EGLN3: variants seen among roughly 807,000 people sequenced by gnomAD.
EGLN3 encodes egl-9 family hypoxia inducible factor 3.
Under a neutral mutation model 26.0 loss-of-function variants are expected in EGLN3, and 15 were observed. The ratio of observed to expected loss-of-function variants is 0.58; its 90% confidence interval spans 0.39 to 0.89. The LOEUF is 0.89. Ranked by LOEUF, EGLN3 falls within the 40% of genes least tolerant of loss-of-function variation. EGLN3 has a pLI of 0.00. For synonymous variants in EGLN3, 147 were observed against 127.2 expected (o/e 1.16, Z -1.05); for missense variants, 238 against 311.6 (o/e 0.76, Z 1.78).
At chr14:33,936,480 T>C (rs1289035090) in intron 1 of EGLN3, among the ~76,000 whole-genome samples, 2 of 152,204 alleles carry the variant, frequency 1.3e-5, no homozygotes, top group Non-Finnish European at 1.5e-5. Flanking sequence ...AGGTGGTTTA[T>C]GTTCAGCACA....
intron 2 of EGLN3, among the ~76,000 whole-genome samples, chr14:33,930,037 G>A (rs1040311696): frequency 3.9e-5 from 6 of 152,078 alleles, no homozygotes; most frequent in African/African-American, 1.4e-4. Flanking sequence ...TCTCTTCCTT[G>A]AATTATTTTT....
intron 2 of EGLN3, among the ~76,000 whole-genome samples, chr14:33,930,261 T>A (rs944782597): frequency 6.6e-6 from 1 of 152,224 alleles, no homozygotes; most frequent in Non-Finnish European, 1.5e-5. Context: ...TAAAGGAGAC[T>A]TAATGGATGT....
At chr14:33,947,725 T>A (rs1019688923) in intron 1 of EGLN3, among the ~76,000 whole-genome samples, 3 of 152,334 alleles carry the variant, frequency 2.0e-5, no homozygotes, top group East Asian at 3.9e-4. Context: ...TATGTTTATG[T>A]ATGTTTGAAA....
intron 1 of EGLN3, among the ~76,000 whole-genome samples, chr14:33,934,109 A>G (rs1429493473): frequency 6.6e-6 from 1 of 152,188 alleles, no homozygotes; most frequent in African/African-American, 2.4e-5. Context: ...TCTTGGATAT[A>G]CTGATAAATC....
chr14:33,945,017 C>G (rs1470001513), intron 1 of EGLN3, among the ~76,000 whole-genome samples: 1 of 152,166 alleles, frequency 6.6e-6, no homozygotes, highest in Admixed American at 6.5e-5. Flanking sequence ...GAAAACTTGC[C>G]CATTGGAGAG....
chr14:33,941,272 G>T (rs535134935), intron 1 of EGLN3, among the ~76,000 whole-genome samples: 17 of 152,186 alleles, frequency 1.1e-4, no homozygotes, highest in African/African-American at 3.1e-4. Flanking sequence ...ACTTGCCAGG[G>T]GCTGAGCTAG....
At chr14:33,949,174 G>A (rs1417763233) in intron 1 of EGLN3, 1 of 151,982 alleles carries the variant, frequency 6.6e-6, no homozygotes, top group African/African-American at 2.4e-5. Flanking sequence ...GAAGTTGTAC[G>A]GCAAACTGTG....
At chr14:33,928,765 A>T (rs1444028540) in intron 3 of EGLN3, among the ~76,000 whole-genome samples, 2 of 152,118 alleles carry the variant, frequency 1.3e-5, no homozygotes, top group South Asian at 2.1e-4. Context: ...TAGGTTTTTT[A>T]AAAAAAGGGA....
intron 1 of EGLN3, among the ~76,000 whole-genome samples, chr14:33,944,171 G>C (rs1387071949): frequency 6.6e-6 from 1 of 151,946 alleles, no homozygotes. Flanking sequence ...GCCCAGGCTG[G>C]AGTGCAATGG....
At chr14:33,947,771 G>A (rs1187544940) in intron 1 of EGLN3, among the ~76,000 whole-genome samples, 2 of 152,164 alleles carry the variant, frequency 1.3e-5, no homozygotes, top group South Asian at 2.1e-4. Context: ...AAATTTAAGG[G>A]CCGGGCACAG....
At chr14:33,936,067 C>A (rs1352880261) in intron 1 of EGLN3, among the ~76,000 whole-genome samples, 2 of 151,960 alleles carry the variant, frequency 1.3e-5, no homozygotes, top group East Asian at 1.9e-4. Flanking sequence ...CCTGTCTCTA[C>A]TAAAAATACA....
intron 1 of EGLN3, among the ~76,000 whole-genome samples, chr14:33,945,156 T>C (rs2064508940): frequency 1.3e-5 from 2 of 152,220 alleles, no homozygotes; most frequent in Admixed American, 6.5e-5. Context: ...TACAGAAAGA[T>C]GATCCAGAGC....
intron 1 of EGLN3, among the ~76,000 whole-genome samples, chr14:33,933,959 C>T (rs779823525): frequency 1.3e-5 from 2 of 152,202 alleles, no homozygotes; most frequent in Non-Finnish European, 2.9e-5. Flanking sequence ...TAAACTGACA[C>T]ATATCAAGAG....
At chr14:33,950,287 G>T in intron 1 of EGLN3, 109 bp downstream of exon 1, 2 of 1,081,400 alleles carry the variant, frequency 1.8e-6, no homozygotes, top group Non-Finnish European at 2.8e-6. Flanking sequence ...TGACTTCTTG[G>T]TTAAAAAACA....
chr14:33,939,242 G>A (rs913289775), intron 1 of EGLN3, among the ~76,000 whole-genome samples: 3 of 149,708 alleles, frequency 2.0e-5, no homozygotes, highest in African/African-American at 7.4e-5. Context: ...ACGGAGTCTC[G>A]CTCTGTCACC....
At chr14:33,945,076 A>T (rs936556089) in intron 1 of EGLN3, among the ~76,000 whole-genome samples, 1 of 152,206 alleles carries the variant, frequency 6.6e-6, no homozygotes, top group African/African-American at 2.4e-5. Flanking sequence ...ATTACTGTGG[A>T]GTAATTTCCT....
intron 1 of EGLN3, among the ~76,000 whole-genome samples, chr14:33,940,879 T>G (rs1362584992): frequency 6.6e-6 from 1 of 152,192 alleles, no homozygotes; most frequent in Non-Finnish European, 1.5e-5. Flanking sequence ...ATTGTAACTT[T>G]CTAGCATTGC....
chr14:33,941,329 C>A (rs895970599), intron 1 of EGLN3, among the ~76,000 whole-genome samples: 3 of 152,002 alleles, frequency 2.0e-5, no homozygotes, highest in Non-Finnish European at 4.4e-5. Context: ...CGTCTCTGAG[C>A]CAGACCTGTA....
chr14:33,924,306 T>C lies in EGLN3; in HGVS notation c.*1585A>G, dbSNP rs569276714. On this transcript the variant is annotated 3_prime_UTR_variant, in exon 5 of 5. Coordinates refer to ENST00000250457, the MANE Select transcript of EGLN3 (RefSeq NM_022073.4). ...GGCACTATTTTAGGTGCTGAGAGTA[T>C]GTTGCATTGGTTAAAAATATACAAA... 6.6e-6 allele frequency: 1 copy of C among 152,218 alleles called. No homozygotes were observed. The highest frequency in any genetic ancestry group is 2.4e-5 in the African/African-American group (1 of 41,452). The allele number at this position is 152,218 out of a possible 1,614,324, so 9.4% of individuals were successfully genotyped here. A position where few individuals can be genotyped will look rare whatever the true frequency, so the allele number is the denominator to read the frequency against.
Sources: gnomAD v4.1 joint callset for allele counts (sites outside exome capture counted in the v4.1 genomes callset) on GRCh38, gnomAD v4.1.1 for gene constraint, MANE v1.5 for transcripts, NCBI Gene and HGNC (gene_info 2026-07-23, HGNC 2026-07-21) for gene names.